NAMPT: variants seen among roughly 807,000 people sequenced by gnomAD.
NAMPT encodes the protein nicotinamide phosphoribosyltransferase, also known as NAmPRTase.
A neutral mutation model predicts 58.7 loss-of-function variants in NAMPT; 7 were observed. The ratio of observed to expected loss-of-function variants is 0.12; its 90% confidence interval spans 0.07 to 0.22. NAMPT has a LOEUF of 0.22. NAMPT is among the 10% of genes least tolerant of loss of function. The probability of loss-of-function intolerance (pLI) is 1.00; values close to 1 mark genes in which losing one functional copy is unlikely to be tolerated. For missense variants in NAMPT, 271 were observed against 567.9 expected (o/e 0.48, Z 5.31); for synonymous variants, 145 against 198.1 (o/e 0.73, Z 2.25).
At chr7:106,259,700 G>C (rs1400227571) in intron 8 of NAMPT, among the ~76,000 whole-genome samples, 1 of 152,090 alleles carries the variant, frequency 6.6e-6, no homozygotes, top group African/African-American at 2.4e-5. Flanking sequence ...GGGATTACAG[G>C]CGTGAGCCAC....
chr7:106,269,382 C>CTTTT, intron 4 of NAMPT, 70 bp from the exon 5 acceptor site: 10 of 1,152,762 alleles, frequency 8.7e-6, no homozygotes, highest in Non-Finnish European at 1.2e-5. Flanking sequence ...AAAATCCTAG[C>CTTTT]TTTTTTTTTT....
At chr7:106,282,921 C>T (rs1284305849) in intron 1 of NAMPT, among the ~76,000 whole-genome samples, 1 of 152,096 alleles carries the variant, frequency 6.6e-6, no homozygotes, top group East Asian at 1.9e-4. Context: ...TCAAGATTAT[C>T]ATTTTTGTCC....
intron 3 of NAMPT, among the ~76,000 whole-genome samples, chr7:106,272,996 T>C (rs909928040): frequency 3.3e-5 from 5 of 152,224 alleles, no homozygotes; most frequent in Non-Finnish European, 5.9e-5. Context: ...AGGATGACTT[T>C]ATTCCAACAT....
At chr7:106,280,670 G>A (rs1015326224) in intron 1 of NAMPT, among the ~76,000 whole-genome samples, 12 of 152,130 alleles carry the variant, frequency 7.9e-5, no homozygotes, top group East Asian at 1.9e-4. Context: ...GGCCGGGCAC[G>A]GTGGCTCATG....
intron 4 of NAMPT, chr7:106,272,173 AACATTTAT>A: frequency 3.0e-6 from 1 of 327,902 alleles, no homozygotes; most frequent in Non-Finnish European, 6.1e-6. Flanking sequence ...GTCTAACTTG[AACATTTAT>A]CATTCATCGA....
At chr7:106,259,220 T>G (rs1792260930) in intron 8 of NAMPT, among the ~76,000 whole-genome samples, 1 of 152,202 alleles carries the variant, frequency 6.6e-6, no homozygotes, top group African/African-American at 2.4e-5. Context: ...CTCCACCACT[T>G]CTAGTTATCT....
intron 6 of NAMPT, among the ~76,000 whole-genome samples, chr7:106,268,089 G>A (rs548886025): frequency 7.9e-5 from 12 of 151,914 alleles, no homozygotes; most frequent in Admixed American, 5.3e-4. Context: ...GGCAAATATA[G>A]ATAAGGTCAT....
chr7:106,252,232 C>T (rs1293787106), intron 10 of NAMPT, among the ~76,000 whole-genome samples: 2 of 152,002 alleles, frequency 1.3e-5, no homozygotes, highest in African/African-American at 2.4e-5. Flanking sequence ...CTGCCAAAAT[C>T]TTAGTAGGTA....
intron 6 of NAMPT, 34 bp downstream of exon 6, chr7:106,268,430 T>G (rs779928066): frequency 3.1e-6 from 5 of 1,587,872 alleles, no homozygotes; most frequent in Non-Finnish European, 4.3e-6. Flanking sequence ...AGTGAAAAAA[T>G]TAGTAGTTTT....
At chr7:106,285,109 G>T (rs981843014), upstream of NAMPT, 9 of 1,339,316 alleles carry the variant, frequency 6.7e-6, no homozygotes, top group Admixed American at 2.2e-4. Flanking sequence ...CGCAGTCTGG[G>T]AGCTCTGGCG....
In NAMPT at chr7:106,248,937, A is replaced by G. The variant is rs1442076611; in HGVS notation, c.*2146T>C. On this transcript the variant is annotated 3_prime_UTR_variant, in exon 11 of 11. Transcript: ENST00000222553. ...CATCTCCTGATTTATGGTTGTGAAC[A>G]AAGAGATAGCTTTTTTCACTGCAAA... 6.6e-6 allele frequency: 1 copy of G among 152,100 alleles called. No individual in the cohort carries two copies. The highest frequency in any genetic ancestry group is 6.6e-5 in the Admixed American group (1 of 15,254). The allele number at this position is 152,100 out of a possible 1,614,324, so 9.4% of individuals were successfully genotyped here.
rs1792073728 is a variant in NAMPT, at chr7:106,249,583, G to A, written c.*1500C>T. The stretch of plus-strand genomic sequence containing the variant: ...AATGCAAGGCACACTCCTTTTCTTA[G>A]AACAGAGATCAGGAAACTTTTTGTG... On this transcript the variant is annotated 3_prime_UTR_variant, in exon 11 of 11. Coordinates refer to ENST00000222553, the MANE Select transcript of NAMPT (RefSeq NM_005746.3). 6.6e-6 allele frequency: 1 copy of A among 151,990 alleles called. No individual in the cohort carries two copies. The highest frequency in any genetic ancestry group is 1.5e-5 in the Non-Finnish European group (1 of 67,948). The allele number at this position is 151,990 out of a possible 1,614,324, so 9.4% of individuals were successfully genotyped here.
intron 8 of NAMPT, among the ~76,000 whole-genome samples, chr7:106,254,914 C>A (rs1250000244): frequency 1.3e-5 from 2 of 152,196 alleles, no homozygotes; most frequent in Non-Finnish European, 2.9e-5. Context: ...TGACTGTAAT[C>A]ATCACCAATA....
intron 1 of NAMPT, among the ~76,000 whole-genome samples, chr7:106,281,171 A>C (rs1792756608): frequency 6.6e-6 from 1 of 151,744 alleles, no homozygotes; most frequent in Non-Finnish European, 1.5e-5. Context: ...TGTAACAAAA[A>C]ATTAGATTCC....
At chr7:106,257,813 A>G (rs772448012) in intron 8 of NAMPT, among the ~76,000 whole-genome samples, 35 of 152,250 alleles carry the variant, frequency 2.3e-4, no homozygotes, top group South Asian at 8.3e-4. Flanking sequence ...AAGGAAAGGT[A>G]GGCACAGCAA....
chr7:106,271,170 T>C (rs1334026585), intron 4 of NAMPT, among the ~76,000 whole-genome samples: 2 of 152,280 alleles, frequency 1.3e-5, no homozygotes, highest in South Asian at 2.1e-4. Flanking sequence ...GTGGAGCTGA[T>C]TCATACAGAA....
rs138565613 is a variant in NAMPT at position 106,256,254 on chromosome 7, A to G, written c.1090-1750T>C. ...CTCTGTATTTTGTCCAACACAAAAG[A>G]TATTTTTATTTTCCTAAATAAGCAG... On this transcript the variant is annotated intron_variant, in intron 8 of 10. Transcript: ENST00000222553. Among the ~76,000 whole-genome samples the G allele has an allele frequency of 1.3e-3, 202 of 152,364 alleles. 1 individual carries two copies. The highest frequency in any genetic ancestry group is 4.7e-3 in the African/African-American group (194 of 41,590).
chr7:106,282,940 A>G (rs1431679617), intron 1 of NAMPT, among the ~76,000 whole-genome samples: 1 of 152,162 alleles, frequency 6.6e-6, no homozygotes, highest in Non-Finnish European at 1.5e-5. Context: ...CCTTTTTCCT[A>G]AGATAAAAAG....
At chr7:106,275,679 C>A (rs915601120) in intron 2 of NAMPT, 3 of 152,146 alleles carry the variant, frequency 2.0e-5, no homozygotes, top group Non-Finnish European at 4.4e-5. Flanking sequence ...AGTTGTATGA[C>A]TAAATTAAAG....
Sources: allele counts gnomAD v4.1 joint callset (sites outside exome capture counted in the v4.1 genomes callset), GRCh38; gene constraint gnomAD v4.1.1; transcripts MANE v1.5; gene names NCBI Gene and HGNC (gene_info 2026-07-23, HGNC 2026-07-21).